RBFOX2: variants seen among roughly 807,000 people sequenced by gnomAD.
RBFOX2 encodes the protein RNA binding fox-1 homolog 2.
RBFOX2 carries 10 observed loss-of-function variants against 49.1 expected under a neutral mutation model. The observed-to-expected ratio is 0.20, with a 90% CI of 0.13 to 0.35. The LOEUF is 0.35. Ranked by LOEUF, RBFOX2 falls within the 10% of genes least tolerant of loss-of-function variation. The pLI, the probability that RBFOX2 is intolerant of heterozygous loss-of-function variation, is 1.00. For missense variants in RBFOX2, 323 were observed against 486.9 expected, an observed-to-expected ratio of 0.66 and a Z score of 3.17; for synonymous variants, 183 against 187.4, an observed-to-expected ratio of 0.98 and a Z score of 0.19.
chr22:35,885,356 GAATA>G (rs981009418), intron 1 of RBFOX2, among the ~76,000 whole-genome samples: 5 of 152,180 alleles, frequency 3.3e-5, no homozygotes, highest in Admixed American at 1.3e-4. Flanking sequence ...ACAAGAAGCA[GAATA>G]AATAAATCAT....
chr22:35,971,792 AG>A (rs1484064186), intron 1 of RBFOX2, among the ~76,000 whole-genome samples: 1 of 151,554 alleles, frequency 6.6e-6, no homozygotes, highest in Non-Finnish European at 1.5e-5. Context: ...GGAAGTGCTG[AG>A]GGGGCCTTCT....
intron 1 of RBFOX2, among the ~76,000 whole-genome samples, chr22:35,892,636 A>T (rs1271175764): frequency 3.9e-5 from 6 of 152,124 alleles, no homozygotes; most frequent in Admixed American, 3.3e-4. Flanking sequence ...CCTTTGACCC[A>T]TTACTGGTAC....
chr22:36,009,733 T>C (rs2058743908), intron 1 of RBFOX2, among the ~76,000 whole-genome samples: 1 of 152,174 alleles, frequency 6.6e-6, no homozygotes, highest in African/African-American at 2.4e-5. Flanking sequence ...GTGTGATAAC[T>C]GCTCAGACAG....
At chr22:35,793,240 G>A (rs887282698) in intron 2 of RBFOX2, among the ~76,000 whole-genome samples, 1 of 152,194 alleles carries the variant, frequency 6.6e-6, no homozygotes, top group African/African-American at 2.4e-5. Context: ...CAGGTGTGGT[G>A]GCAGGCGCCT....
chr22:35,899,148 A>ATAACATAACATAACATAACATAACG, intron 1 of RBFOX2, among the ~76,000 whole-genome samples: 1 of 151,616 alleles, frequency 6.6e-6, no homozygotes, highest in African/African-American at 2.4e-5. Flanking sequence ...ATAACATAAC[A>ATAACATAACATAACATAACATAACG]TAACATAACA....
At chr22:35,943,597 T>C (rs2053932053), upstream of RBFOX2, among the ~76,000 whole-genome samples, 1 of 151,968 alleles carries the variant, frequency 6.6e-6, no homozygotes. Context: ...TAAGTAACTA[T>C]CAAAAAAACC....
intron 1 of RBFOX2, among the ~76,000 whole-genome samples, chr22:36,012,189 T>C (rs1344791193): frequency 6.6e-6 from 1 of 152,180 alleles, no homozygotes; most frequent in Non-Finnish European, 1.5e-5. Flanking sequence ...CAATATTAAA[T>C]ATACGGCATG....
intron 3 of RBFOX2, among the ~76,000 whole-genome samples, chr22:35,781,018 G>GA (rs1276448828): frequency 7.9e-5 from 12 of 152,156 alleles, no homozygotes; most frequent in Non-Finnish European, 1.8e-4. Flanking sequence ...GGAAGGTAAA[G>GA]AAAAAACAAA....
intron 2 of RBFOX2, among the ~76,000 whole-genome samples, chr22:35,782,847 T>C (rs971529491): frequency 1.3e-5 from 2 of 152,192 alleles, no homozygotes; most frequent in African/African-American, 4.8e-5. Flanking sequence ...AGTGTGGGTA[T>C]GCATTTATTT....
At chr22:35,842,895 G>A (rs1221672530), upstream of RBFOX2, among the ~76,000 whole-genome samples, 1 of 152,072 alleles carries the variant, frequency 6.6e-6, no homozygotes, top group Non-Finnish European at 1.5e-5. Context: ...CCTCAGGCCA[G>A]GAATTCATGC....
chr22:35,892,658 T>C lies in RBFOX2; in HGVS notation c.-34+46189A>G, dbSNP rs2047384701. On this transcript the variant is annotated intron_variant, in intron 1 of 13. Coordinates refer to the RBFOX2 transcript ENST00000359369. ...CCCATTACTGGTACCAAACCAAGCATGCAAGGGAGGTGATACAGTATGTTT... is the reference window on the plus strand; with the variant it reads ...CCCATTACTGGTACCAAACCAAGCACGCAAGGGAGGTGATACAGTATGTTT... Among the ~76,000 whole-genome samples, 5 of 152,284 alleles carry C rather than the reference T, an allele frequency of 3.3e-5. No individual in the cohort carries two copies. The South Asian group carries it at 1.0e-3, about 32-fold the overall frequency.
chr22:35,807,732 TAAC>T (rs1951034421), intron 2 of RBFOX2, among the ~76,000 whole-genome samples: 1 of 149,982 alleles, frequency 6.7e-6, no homozygotes, highest in South Asian at 2.1e-4. Flanking sequence ...AAAGAAATAA[TAAC>T]AGAGTGGAAA....
chr22:35,930,541 A>G (rs2052268891), intron 1 of RBFOX2, among the ~76,000 whole-genome samples: 2 of 151,952 alleles, frequency 1.3e-5, no homozygotes, highest in Admixed American at 6.6e-5. Flanking sequence ...TAAAACTGCT[A>G]ATTTCTGGGC....
At chr22:35,933,375 T>G (rs1470390634) in intron 1 of RBFOX2, among the ~76,000 whole-genome samples, 4 of 152,252 alleles carry the variant, frequency 2.6e-5, no homozygotes, top group Admixed American at 2.6e-4. Flanking sequence ...TATATACATT[T>G]GTATTCATCA....
At chr22:36,013,942 T>A (rs6000059) in intron 1 of RBFOX2, among the ~76,000 whole-genome samples, 1 of 152,076 alleles carries the variant, frequency 6.6e-6, no homozygotes, top group South Asian at 2.1e-4. Flanking sequence ...CGGTAGGGAA[T>A]CTGGGCGTAA....
chr22:35,843,719 A>G (rs1228586154), upstream of RBFOX2, among the ~76,000 whole-genome samples: 1 of 151,890 alleles, frequency 6.6e-6, no homozygotes, highest in East Asian at 1.9e-4. Flanking sequence ...CCATCCTCTC[A>G]ATTGTTGTTG....
At chr22:35,896,928 G>T (rs2047918644) in intron 1 of RBFOX2, among the ~76,000 whole-genome samples, 1 of 152,102 alleles carries the variant, frequency 6.6e-6, no homozygotes, top group Non-Finnish European at 1.5e-5. Context: ...GTGTTACTTA[G>T]ACTCTTTTAC....
At chr22:35,940,443 A>G (rs890615674), upstream of RBFOX2, among the ~76,000 whole-genome samples, 5 of 152,206 alleles carry the variant, frequency 3.3e-5, no homozygotes, top group East Asian at 1.9e-4. Context: ...CCAGACAACA[A>G]TAAGTATTGT....
At chr22:35,974,226 C>T (rs998153762) in intron 1 of RBFOX2, among the ~76,000 whole-genome samples, 1 of 152,192 alleles carries the variant, frequency 6.6e-6, no homozygotes, top group Non-Finnish European at 1.5e-5. Context: ...CCGCCTTTTC[C>T]TTAAAGGGAA....
Sources: gnomAD v4.1 joint callset for allele counts (sites outside exome capture counted in the v4.1 genomes callset) on GRCh38, gnomAD v4.1.1 for gene constraint, MANE v1.5 for transcripts, NCBI Gene and HGNC (gene_info 2026-07-23, HGNC 2026-07-21) for gene names.